Variants in NKAIN3 observed in about 807,000 individuals in gnomAD.
The protein encoded by NKAIN3 is sodium/potassium transporting ATPase interacting 3.
In NKAIN3, 25 loss-of-function variants were observed where a neutral mutation model predicts 30.2. The ratio of observed to expected loss-of-function variants is 0.83; its 90% CI spans 0.60 to 1.16. NKAIN3 has a LOEUF of 1.16. Among genes scored for constraint, NKAIN3 ranks in the 50% most tolerant of loss-of-function variants. The pLI is 0.00. For synonymous variants in NKAIN3, 91 were observed against 89.6 expected (o/e 1.02, Z -0.09); for missense variants, 225 against 254.1 (o/e 0.89, Z 0.78).
At chr8:62,649,504 G>A (rs961327490) in intron 3 of NKAIN3, among the ~76,000 whole-genome samples, 1 of 152,134 alleles carries the variant, frequency 6.6e-6, no homozygotes, top group African/African-American at 2.4e-5. Flanking sequence ...AAGCCAAGTA[G>A]AGTTGTTTTT....
chr8:62,427,965 C>T (rs1175664545), intron 1 of NKAIN3, among the ~76,000 whole-genome samples: 1 of 151,830 alleles, frequency 6.6e-6, no homozygotes, highest in Non-Finnish European at 1.5e-5. Context: ...TATTTTTGAA[C>T]CCATTAACCA....
intron 1 of NKAIN3, among the ~76,000 whole-genome samples, chr8:62,358,048 A>G (rs1166751322): frequency 6.6e-6 from 1 of 152,154 alleles, no homozygotes. Flanking sequence ...TTGGCATACC[A>G]TACAGATTCA....
At chr8:62,936,104 C>T (rs933061085) in intron 5 of NKAIN3, among the ~76,000 whole-genome samples, 2 of 152,124 alleles carry the variant, frequency 1.3e-5, no homozygotes, top group Non-Finnish European at 2.9e-5. Flanking sequence ...AATGTAACCA[C>T]CGCTATTTCC....
chr8:62,512,578 A>G (rs1385106573), intron 1 of NKAIN3, among the ~76,000 whole-genome samples: 1 of 152,108 alleles, frequency 6.6e-6, no homozygotes, highest in African/African-American at 2.4e-5. Flanking sequence ...TGCCTCTCTT[A>G]ATCTCAAATT....
intron 1 of NKAIN3, among the ~76,000 whole-genome samples, chr8:62,556,316 G>T (rs1356775922): frequency 2.6e-5 from 4 of 151,166 alleles, no homozygotes; most frequent in African/African-American, 9.7e-5. Flanking sequence ...CCTTTTGTAG[G>T]GTAACTAAAA....
chr8:62,414,466 T>C (rs1804368275), intron 1 of NKAIN3, among the ~76,000 whole-genome samples: 1 of 152,208 alleles, frequency 6.6e-6, no homozygotes, highest in Non-Finnish European at 1.5e-5. Context: ...AATCACCTCT[T>C]AATAAAATGT....
At chr8:62,411,343 C>G (rs1585777932) in intron 1 of NKAIN3, among the ~76,000 whole-genome samples, 1 of 152,074 alleles carries the variant, frequency 6.6e-6, no homozygotes, top group Non-Finnish European at 1.5e-5. Flanking sequence ...TTGATAAAAT[C>G]CAACATCCCT....
At chr8:62,922,643 A>G (rs1172012255) in intron 5 of NKAIN3, among the ~76,000 whole-genome samples, 1 of 152,178 alleles carries the variant, frequency 6.6e-6, no homozygotes, top group African/African-American at 2.4e-5. Context: ...AAAATGTGCA[A>G]AATTGGTAAG....
At chr8:62,644,877 C>T (rs1368670090) in intron 3 of NKAIN3, among the ~76,000 whole-genome samples, 1 of 152,146 alleles carries the variant, frequency 6.6e-6, no homozygotes, top group Admixed American at 6.6e-5. Flanking sequence ...GTGCAGTTGT[C>T]TGCATTCTAC....
intron 1 of NKAIN3, among the ~76,000 whole-genome samples, chr8:62,258,290 A>G (rs376522012): frequency 1.6e-4 from 24 of 152,232 alleles, no homozygotes; most frequent in Non-Finnish European, 3.4e-4. Context: ...CTACATGTGC[A>G]TACTTGAACT....
intron 4 of NKAIN3, among the ~76,000 whole-genome samples, chr8:62,848,739 T>A (rs1819768445): frequency 6.6e-6 from 1 of 152,210 alleles, no homozygotes; most frequent in Admixed American, 6.5e-5. Flanking sequence ...CAAACTTGAC[T>A]TGAGCCAGTT....
At chr8:62,960,083 T>C (rs1233346207) in intron 6 of NKAIN3, among the ~76,000 whole-genome samples, 2 of 152,226 alleles carry the variant, frequency 1.3e-5, no homozygotes, top group African/African-American at 2.4e-5. Context: ...TATATACTTA[T>C]TTGACTATGT....
intron 1 of NKAIN3, among the ~76,000 whole-genome samples, chr8:62,356,364 T>A (rs1290876326): frequency 6.6e-6 from 1 of 152,248 alleles, no homozygotes; most frequent in Non-Finnish European, 1.5e-5. Context: ...TAGTTATGAG[T>A]GTTAGATAAA....
chr8:62,736,636 C>T (rs897990960), intron 3 of NKAIN3, among the ~76,000 whole-genome samples: 4 of 152,286 alleles, frequency 2.6e-5, no homozygotes, highest in Admixed American at 1.3e-4. Context: ...GCAAGCAGGG[C>T]TCTCAAGTTT....
chr8:62,839,491 T>A (rs1324397146), intron 4 of NKAIN3, among the ~76,000 whole-genome samples: 1 of 152,122 alleles, frequency 6.6e-6, no homozygotes, highest in Non-Finnish European at 1.5e-5. Flanking sequence ...AGGAAGTAAA[T>A]CTGTTGTAGA....
At chr8:62,611,958 C>T (rs7004134) in intron 3 of NKAIN3, among the ~76,000 whole-genome samples, 3,599 of 151,992 alleles carry the variant, frequency 0.024, 103 homozygotes, top group African/African-American at 0.075. Context: ...TTTGTTATTG[C>T]GTGTCTTTTG....
chr8:62,416,219 A>C (rs1039122042), intron 1 of NKAIN3, among the ~76,000 whole-genome samples: 3 of 152,098 alleles, frequency 2.0e-5, no homozygotes, highest in Non-Finnish European at 2.9e-5. Context: ...TCTACAATTC[A>C]TACTCATTAA....
chr8:62,990,221 A>T, intron 5 of NKAIN3: 2 of 1,556,830 alleles, frequency 1.3e-6, no homozygotes, highest in Admixed American at 1.8e-5. Context: ...GCTGCAAATT[A>T]TTGAATAAGC....
chr8:62,728,166 G>A (rs140776986), intron 3 of NKAIN3, among the ~76,000 whole-genome samples: 1,728 of 151,942 alleles, frequency 0.011, 12 homozygotes, highest in Non-Finnish European at 0.017. Context: ...ACTCAAAATG[G>A]ATCACATACA....
Sources: allele counts gnomAD v4.1 joint callset (sites outside exome capture counted in the v4.1 genomes callset), GRCh38; gene constraint gnomAD v4.1.1; transcripts MANE v1.5; gene names NCBI Gene and HGNC (gene_info 2026-07-23, HGNC 2026-07-21).